The following ARHGEF10L variants were observed in gnomAD, a reference collection of about 807,000 sequenced individuals.
ARHGEF10L encodes the protein Rho guanine nucleotide exchange factor 10 like.
In ARHGEF10L, 69 loss-of-function variants were observed where a neutral mutation model predicts 141.2. The ratio of observed to expected loss-of-function variants is 0.49; its 90% confidence interval spans 0.40 to 0.60. The LOEUF is 0.60. Among genes scored for constraint, ARHGEF10L ranks in the 20% least tolerant of loss-of-function variants. The probability of loss-of-function intolerance (pLI) is 0.00; values close to 1 mark genes in which losing one functional copy is unlikely to be tolerated. For missense variants in ARHGEF10L, 1,482 were observed against 1,734.3 expected (o/e 0.85, Z 2.58); for synonymous variants, 711 against 718.5 (o/e 0.99, Z 0.17).
rs138750304 is a variant in ARHGEF10L at position 17,633,178 on chromosome 1, C to T, written c.1730+712C>T. Among the ~76,000 whole-genome samples, 594 of 152,290 alleles carry T rather than the reference C, an allele frequency of 3.9e-3. 3 individuals are homozygous for T. The highest frequency in any genetic ancestry group is 0.013 in the African/African-American group (553 of 41,564). ...CGTGGGCCTGGCACTGGGGCTTGGG[C>T]CCTGCCATTCTCCAGCCTTTCTGCT... On this transcript the variant is annotated intron_variant, in intron 16 of 28. Coordinates refer to ENST00000361221, the MANE Select transcript of ARHGEF10L (RefSeq NM_018125.4).
intron 7 of ARHGEF10L, among the ~76,000 whole-genome samples, chr1:17,610,624 G>A (rs988579592): frequency 1.3e-5 from 2 of 152,182 alleles, no homozygotes; most frequent in Non-Finnish European, 2.9e-5. Flanking sequence ...CTGCTCACCC[G>A]CTGGCATTGC....
intron 22 of ARHGEF10L, among the ~76,000 whole-genome samples, chr1:17,653,336 C>G (rs1433900935): frequency 6.6e-6 from 1 of 152,198 alleles, no homozygotes; most frequent in African/African-American, 2.4e-5. Flanking sequence ...CTGGCACAGG[C>G]AAGACATTTA....
At chr1:17,516,709 G>A in the ARHGEF10L span, among the ~76,000 whole-genome samples, 106 of 152,282 alleles carry the variant, frequency 7.0e-4, no homozygotes, top group African/African-American at 2.3e-3. Flanking sequence ...TAGGGGGTGG[G>A]AGGGGGCAGC....
In ARHGEF10L at chr1:17,644,066, GCTC is replaced by G. The variant is rs2061462882; in HGVS notation, c.2272+3769_2272+3771del. 6.6e-6 allele frequency among the ~76,000 whole-genome samples: 1 copy of G among 152,206 alleles called. No individual in the cohort carries two copies. The highest frequency in any genetic ancestry group is 2.1e-4 in the South Asian group (1 of 4,834). On this transcript the variant is annotated intron_variant, in intron 21 of 28. Coordinates refer to ENST00000361221, the MANE Select transcript of ARHGEF10L (RefSeq NM_018125.4). The surrounding 1 kb of genome is among the most constrained non-coding windows in gnomAD (Gnocchi z 4.5). ...CTCTTACCCTCCCCGGGCCCTTGGA[GCTC>G]CTCCCACCCATGGCCCTTCTCATTC...
intron 10 of ARHGEF10L, among the ~76,000 whole-genome samples, chr1:17,620,080 G>A (rs1407156882): frequency 6.6e-6 from 1 of 152,086 alleles, no homozygotes; most frequent in Non-Finnish European, 1.5e-5. Context: ...GTACACGCTT[G>A]TAGTCTCAGC....
At chr1:17,577,261 G>C (rs1339327477) in intron 1 of ARHGEF10L, among the ~76,000 whole-genome samples, 1 of 152,144 alleles carries the variant, frequency 6.6e-6, no homozygotes, top group Non-Finnish European at 1.5e-5. Context: ...GGCCAGGCTG[G>C]TTTCGAACTC....
intron 9 of ARHGEF10L, among the ~76,000 whole-genome samples, chr1:17,616,862 C>T (rs143748101): frequency 2.0e-5 from 3 of 152,260 alleles, no homozygotes; most frequent in African/African-American, 4.8e-5. Context: ...TGCAGAGCCC[C>T]GGATGTGGGA....
intron 1 of ARHGEF10L, among the ~76,000 whole-genome samples, chr1:17,577,006 G>A (rs2078250139): frequency 6.6e-6 from 1 of 152,154 alleles, no homozygotes; most frequent in African/African-American, 2.4e-5. Flanking sequence ...CCATGCTTTT[G>A]TATTAGTTCT....
Position 17,623,003 on chromosome 1 carries a change from G to A in ARHGEF10L, c.1028G>A (p.Arg343His), listed in dbSNP as rs145122943. Residue 343 changes from arginine to histidine, a missense_variant, in exon 12 of 29, where the codon CGC becomes CAC. Transcript: ENST00000361221. This position sits in a 1 kb window ranked among gnomAD's most constrained non-coding sequence, Gnocchi z 4.7. Reference sequence around the variant, plus strand: ...CCCCGCCCTCCCCGGCAGGACTACCGCAACCCCCTGATGGAGATGGAGCCC... The same window carrying A: ...CCCCGCCCTCCCCGGCAGGACTACCACAACCCCCTGATGGAGATGGAGCCC... ...ESLKRILQDY[R>H]NPLMEMEPKA... is the part of the protein sequence containing the mutation. 12 of 1,612,220 alleles carry A rather than the reference G, an allele frequency of 7.4e-6. No homozygotes were observed. Among genetic ancestry groups the A allele is most frequent in the Middle Eastern group, 1.8e-4 (1 of 5,524 alleles).
At chr1:17,586,924 C>T (rs1018224945) in intron 2 of ARHGEF10L, among the ~76,000 whole-genome samples, 1 of 152,164 alleles carries the variant, frequency 6.6e-6, no homozygotes, top group African/African-American at 2.4e-5. Flanking sequence ...GTGCCTTCCC[C>T]TGCCCCAGCC....
At chr1:17,636,283 A>G (rs1393202340) in intron 18 of ARHGEF10L, among the ~76,000 whole-genome samples, 3 of 152,168 alleles carry the variant, frequency 2.0e-5, no homozygotes, top group East Asian at 3.8e-4. Flanking sequence ...TCGAAAGGGG[A>G]AAGAAGTTCT....
At chr1:17,638,106 C>A (rs750703968) in intron 19 of ARHGEF10L, 103 bp downstream of exon 19, 7 of 1,022,516 alleles carry the variant, frequency 6.8e-6, no homozygotes, top group Non-Finnish European at 9.9e-6. Context: ...GGCCCATGTC[C>A]CCGATGTGCT....
intron 21 of ARHGEF10L, among the ~76,000 whole-genome samples, chr1:17,641,427 C>G (rs964557726): frequency 9.9e-5 from 15 of 151,482 alleles, no homozygotes; most frequent in Non-Finnish European, 1.3e-4. Context: ...GTCAGGAGAT[C>G]GAGACCATCC....
At chr1:17,689,777 T>C (rs1558044265) in intron 27 of ARHGEF10L, 1 of 455,880 alleles carries the variant, frequency 2.2e-6, no homozygotes, top group Middle Eastern at 3.3e-4. Flanking sequence ...AAGAAATGGA[T>C]AATCTCATGG....
At chr1:17,569,384 G>T (rs1236732720) in intron 1 of ARHGEF10L, among the ~76,000 whole-genome samples, 1 of 152,224 alleles carries the variant, frequency 6.6e-6, no homozygotes. Flanking sequence ...GGGCTGTGTG[G>T]CTGAGGGCCC....
rs771513979 is a variant in ARHGEF10L at position 17,627,285 on chromosome 1, A to T, written c.1411-45A>T. The stretch of plus-strand genomic sequence containing the variant: ...GAGGCTTTGCCCCAGGCTGGGGTAG[A>T]GTTGGTCATGGGTGGGCTGCTCAGT... On this transcript the variant is annotated intron_variant, in intron 14 of 28. Transcript: ENST00000361221. This position sits in a 1 kb window ranked among gnomAD's most constrained non-coding sequence, Gnocchi z 4.0. The T allele has an allele frequency of 6.3e-7, 1 of 1,595,676 alleles. No individual in the cohort carries two copies. Among genetic ancestry groups the T allele is most frequent in the Non-Finnish European group, 8.6e-7 (1 of 1,167,364 alleles).
chr1:17,527,682 T>C, the ARHGEF10L span, among the ~76,000 whole-genome samples: 2 of 151,968 alleles, frequency 1.3e-5, no homozygotes, highest in South Asian at 2.1e-4. Flanking sequence ...CTCCTTTTTT[T>C]TTTTCTACGC....
chr1:17,552,274 T>C (rs1268014211), intron 1 of ARHGEF10L, among the ~76,000 whole-genome samples: 1 of 152,198 alleles, frequency 6.6e-6, no homozygotes, highest in Non-Finnish European at 1.5e-5. Flanking sequence ...GTCTCACCTC[T>C]CTGCAGTCTT....
chr1:17,556,566 A>G (rs966719143), intron 1 of ARHGEF10L, among the ~76,000 whole-genome samples: 9 of 152,156 alleles, frequency 5.9e-5, no homozygotes, highest in African/African-American at 2.2e-4. Flanking sequence ...TTGCCCCATC[A>G]GGAACTTTTC....
Sources: gnomAD v4.1 joint callset for allele counts (sites outside exome capture counted in the v4.1 genomes callset) on GRCh38, gnomAD v4.1.1 for gene constraint, Gnocchi (gnomAD v3.1) non-coding constraint, MANE v1.5 for transcripts, NCBI Gene and HGNC (gene_info 2026-07-23, HGNC 2026-07-21) for gene names.